Variants in RILPL2 observed in about 807,000 individuals in gnomAD.
The protein encoded by RILPL2 is Rab interacting lysosomal protein like 2.
In RILPL2, 19 loss-of-function variants were observed where a neutral mutation model predicts 22.2. The ratio of observed to expected loss-of-function variants is 0.86; its 90% CI spans 0.60 to 1.25. RILPL2 has a LOEUF of 1.25. Among genes scored for constraint, RILPL2 ranks in the 50% most tolerant of loss-of-function variants. The pLI is 0.00. For synonymous variants in RILPL2, 123 were observed against 111.6 expected (o/e 1.10, Z -0.64); for missense variants, 243 against 263.6 (o/e 0.92, Z 0.54).
At chr12:123,432,969 AAAT>A (rs1879692577) in intron 1 of RILPL2, among the ~76,000 whole-genome samples, 1 of 150,742 alleles carries the variant, frequency 6.6e-6, no homozygotes, top group East Asian at 1.9e-4. Flanking sequence ...GGTATGAGGC[AAAT>A]AATAATAATA....
chr12:123,414,383 C>T (rs368264235), downstream of RILPL2: 82 of 153,408 alleles, frequency 5.3e-4, 2 homozygotes, highest in South Asian at 0.015. Flanking sequence ...TGCCCGGAGC[C>T]GGCAGGGCCC....
At chr12:123,424,409 G>A (rs1393350578) in intron 2 of RILPL2, among the ~76,000 whole-genome samples, 5 of 145,334 alleles carry the variant, frequency 3.4e-5, no homozygotes, top group South Asian at 2.2e-4. Flanking sequence ...TCGGCTCACC[G>A]TAGCCTCTGC....
intron 3 of RILPL2, among the ~76,000 whole-genome samples, chr12:123,422,557 C>G (rs929635966): frequency 6.6e-6 from 1 of 152,092 alleles, no homozygotes; most frequent in Non-Finnish European, 1.5e-5. Context: ...GACATGGGGT[C>G]TCACTTTGTT....
In RILPL2 at chr12:123,423,033, G is replaced by C; in HGVS notation, c.605+11C>G. The stretch of plus-strand genomic sequence containing the variant: ...TTTGGCGGGACCGGGGGGCAGCAAG[G>C]TGACACTTACAGCTTTTTTATGATT... On this transcript the variant is annotated intron_variant, in intron 3 of 3. Transcript: ENST00000280571. 6.3e-7 allele frequency: 1 copy of C among 1,587,860 alleles called. No individual in the cohort carries two copies. Among genetic ancestry groups the C allele is most frequent in the East Asian group, 2.2e-5 (1 of 44,742 alleles).
rs1336725391 is a variant in RILPL2 at position 123,436,554 on chromosome 12, CCG to C, written c.-136_-135del. 3 of 1,400,116 alleles carry C rather than the reference CCG, an allele frequency of 2.1e-6. No homozygotes were observed. In the African/African-American group the frequency reaches 4.3e-5, roughly 20 times the overall value. The allele number at this position is 1,400,116 out of a possible 1,614,324, so 86.7% of individuals were successfully genotyped here. A position where few individuals can be genotyped will look rare whatever the true frequency, so the allele number is the denominator to read the frequency against. ...CAATCAGCGCGGCCCGGGGGTGGGC[CCG>C]GGGGGATGGTGCAAGGGGCCGCGCA... On this transcript the variant is annotated 5_prime_UTR_variant, in exon 1 of 4. Transcript: ENST00000280571. This position sits in a 1 kb window ranked among gnomAD's most constrained non-coding sequence, Gnocchi z 6.7.
chr12:123,428,676 GTC>G (rs1879512778), intron 2 of RILPL2, among the ~76,000 whole-genome samples: 1 of 152,150 alleles, frequency 6.6e-6, no homozygotes, highest in South Asian at 2.1e-4. Flanking sequence ...TACAAGCACA[GTC>G]TCTGATGTCA....
At chr12:123,435,085 C>T (rs1470282244) in intron 1 of RILPL2, among the ~76,000 whole-genome samples, 1 of 151,582 alleles carries the variant, frequency 6.6e-6, no homozygotes, top group Non-Finnish European at 1.5e-5. Context: ...GAGGCTGAGG[C>T]AGGAGAATCG....
chr12:123,423,188 AT>A, intron 2 of RILPL2, 31 bp from the exon 3 acceptor site: 1 of 1,070,228 alleles, frequency 9.3e-7, no homozygotes, highest in Non-Finnish European at 1.4e-6. Flanking sequence ...TAAATGGATT[AT>A]TTTATTACAG....
chr12:123,409,604 G>T, the RILPL2 span, among the ~76,000 whole-genome samples: 1 of 151,034 alleles, frequency 6.6e-6, no homozygotes, highest in African/African-American at 2.4e-5. Flanking sequence ...GTTCAGTGGG[G>T]CAGTCTCAGC....
chr12:123,414,742 A>G (rs1368487182), downstream of RILPL2: 1 of 152,494 alleles, frequency 6.6e-6, no homozygotes, highest in African/African-American at 2.4e-5. Context: ...CATCCTGGCT[A>G]ACACGGCGAA....
chr12:123,411,783 C>T (rs569194117), downstream of RILPL2: 1 of 151,898 alleles, frequency 6.6e-6, no homozygotes, highest in East Asian at 2.0e-4. Context: ...CTCGGCCTCC[C>T]AAAGTGCTAG....
At chr12:123,411,756 C>G (rs1017590966), downstream of RILPL2, 1 of 151,292 alleles carries the variant, frequency 6.6e-6, no homozygotes, top group Admixed American at 6.6e-5. Flanking sequence ...GAACTCCTGA[C>G]CTTGTGATCC....
intron 2 of RILPL2, among the ~76,000 whole-genome samples, chr12:123,423,820 A>AT (rs1879359686): frequency 6.6e-6 from 1 of 151,630 alleles, no homozygotes; most frequent in Admixed American, 6.6e-5. Flanking sequence ...CACCCGGCTC[A>AT]TTTTTTGTAT....
chr12:123,433,760 C>T (rs892610554), intron 1 of RILPL2, among the ~76,000 whole-genome samples: 1 of 152,162 alleles, frequency 6.6e-6, no homozygotes, highest in African/African-American at 2.4e-5. Flanking sequence ...TCTGACCTCT[C>T]CCACTAGATG....
At position 123,415,134 on chromosome 12, in the gene RILPL2, T is replaced by C. The variant is rs1879080562; in HGVS notation, c.*757A>G. ...TTGCGAAGTGCAGACACCCGCTCTCTGTTTCATTGATTCCTAAATGCATTT... is the reference window on the plus strand; with the variant it reads ...TTGCGAAGTGCAGACACCCGCTCTCCGTTTCATTGATTCCTAAATGCATTT... On this transcript the variant is annotated 3_prime_UTR_variant, in exon 4 of 4. Coordinates refer to ENST00000280571, the MANE Select transcript of RILPL2 (RefSeq NM_145058.3). 6.6e-6 allele frequency: 1 copy of C among 152,188 alleles called. No homozygotes were observed. The highest frequency in any genetic ancestry group is 2.4e-5 in the African/African-American group (1 of 41,432). The allele number at this position is 152,188 out of a possible 1,614,324, so 9.4% of individuals were successfully genotyped here.
chr12:123,413,133 T>C (rs1879018377), downstream of RILPL2: 1 of 153,274 alleles, frequency 6.5e-6, no homozygotes, highest in African/African-American at 2.4e-5. Flanking sequence ...GAGGCAGAGA[T>C]TGCAGTGAAC....
intron 2 of RILPL2, among the ~76,000 whole-genome samples, chr12:123,429,373 G>T (rs1879540133): frequency 6.6e-6 from 1 of 152,138 alleles, no homozygotes; most frequent in Admixed American, 6.6e-5. Flanking sequence ...TCGGCTCACT[G>T]CAACCTCCGC....
At chr12:123,419,929 G>A (rs901366172) in intron 3 of RILPL2, among the ~76,000 whole-genome samples, 10 of 150,616 alleles carry the variant, frequency 6.6e-5, no homozygotes, top group South Asian at 2.1e-4. Context: ...AGGTTAAAGC[G>A]ATTCTCCTGC....
chr12:123,420,328 A>C (rs1335635852), intron 3 of RILPL2, among the ~76,000 whole-genome samples: 2 of 151,028 alleles, frequency 1.3e-5, no homozygotes, highest in African/African-American at 4.9e-5. Flanking sequence ...CCTGGCAGAG[A>C]CGGGGTTTCA....
Sources: allele counts gnomAD v4.1 joint callset (sites outside exome capture counted in the v4.1 genomes callset), GRCh38; gene constraint gnomAD v4.1.1; non-coding constraint Gnocchi (gnomAD v3.1); transcripts MANE v1.5; gene names NCBI Gene and HGNC (gene_info 2026-07-23, HGNC 2026-07-21).